Variants in OR9Q1 observed in about 807,000 individuals in gnomAD.
OR9Q1 encodes the protein olfactory receptor family 9 subfamily Q member 1.
For synonymous variants in OR9Q1, 153 were observed against 148.6 expected, an observed-to-expected ratio of 1.03 and a Z score of -0.22; for missense variants, 374 against 378.8, an observed-to-expected ratio of 0.99 and a Z score of 0.11.
At chr11:58,158,620 A>C (rs1378343575) in intron 2 of OR9Q1, among the ~76,000 whole-genome samples, 1 of 152,080 alleles carries the variant, frequency 6.6e-6, no homozygotes, top group Non-Finnish European at 1.5e-5. Context: ...TAGCCAAAGG[A>C]AAGAAATGGG....
At position 58,180,150 on chromosome 11, in the gene OR9Q1, A is replaced by G; in HGVS notation, c.706A>G (p.Thr236Ala). 6.2e-7 allele frequency: 1 copy of G among 1,613,826 alleles called. No individual in the cohort carries two copies. The highest frequency in any genetic ancestry group is 8.5e-7 in the Non-Finnish European group (1 of 1,179,936). Residue 236 changes from threonine (T) to alanine (A), a missense_variant, in exon 3 of 3, where the codon ACC becomes GCC. Coordinates refer to ENST00000335397, the MANE Select transcript of OR9Q1 (RefSeq NM_001005212.4). The stretch of plus-strand genomic sequence containing the variant: ...GATCCCTGCTGGAAGCCAGGCCAAG[A>G]CCTTCTCCACCTGCACCTCCCACCT... ...MGIPAGSQAK[T>A]FSTCTSHLTA...
intron 1 of OR9Q1, chr11:58,031,838 C>T (rs1245577758): frequency 5.0e-6 from 8 of 1,614,130 alleles, no homozygotes; most frequent in Non-Finnish European, 6.8e-6. Context: ...CATCTACAGT[C>T]TTAGGAACAA....
intron 2 of OR9Q1, among the ~76,000 whole-genome samples, chr11:58,091,317 G>C (rs541462749): frequency 6.6e-6 from 1 of 152,168 alleles, no homozygotes; most frequent in Admixed American, 6.5e-5. Context: ...TAATTTGGCT[G>C]TGTTCCAGAG....
chr11:58,149,903 G>A (rs931208437), intron 2 of OR9Q1, among the ~76,000 whole-genome samples: 2 of 152,134 alleles, frequency 1.3e-5, no homozygotes. Context: ...TGGCTATTGT[G>A]AATGCTGTTG....
intron 2 of OR9Q1, among the ~76,000 whole-genome samples, chr11:58,149,657 T>C (rs1854330890): frequency 6.6e-6 from 1 of 152,154 alleles, no homozygotes; most frequent in Admixed American, 6.5e-5. Context: ...CCATTCTAGT[T>C]CTGTTTCTAT....
intron 2 of OR9Q1, among the ~76,000 whole-genome samples, chr11:58,128,254 T>TAAAAAAAA (rs56238213): frequency 7.9e-6 from 1 of 126,240 alleles, no homozygotes. Context: ...CAAGAAAAAC[T>TAAAAAAAA]AAAAAAAAAA....
At chr11:58,036,048 C>T (rs74877201) in intron 1 of OR9Q1, among the ~76,000 whole-genome samples, 17,096 of 151,302 alleles carry the variant, frequency 0.11, 1,506 homozygotes, top group African/African-American at 0.22. Context: ...CTTTGTGTCA[C>T]ATTTTAGTAA....
chr11:58,116,099 G>T (rs1482573138), intron 2 of OR9Q1, among the ~76,000 whole-genome samples: 1 of 152,084 alleles, frequency 6.6e-6, no homozygotes, highest in Non-Finnish European at 1.5e-5. Context: ...GGCAGCCCAG[G>T]GCCCATAGGG....
intron 2 of OR9Q1, chr11:58,108,955 T>C (rs1853869239): frequency 5.1e-6 from 2 of 392,606 alleles, no homozygotes; most frequent in African/African-American, 4.1e-5. Context: ...GGAGAAGGTC[T>C]TGGCTTACCC....
At chr11:58,144,032 TTTA>T (rs1428595100) in intron 2 of OR9Q1, among the ~76,000 whole-genome samples, 7 of 152,022 alleles carry the variant, frequency 4.6e-5, no homozygotes, top group African/African-American at 1.2e-4. Context: ...TTTATTTTAT[TTTA>T]TTATTATTAT....
At chr11:58,131,433 G>C (rs1258201226) in intron 2 of OR9Q1, among the ~76,000 whole-genome samples, 2 of 152,054 alleles carry the variant, frequency 1.3e-5, no homozygotes, top group African/African-American at 4.8e-5. Context: ...TTATTAATAA[G>C]TCTTCTAAAT....
intron 1 of OR9Q1, among the ~76,000 whole-genome samples, chr11:58,037,702 T>TAG (rs1853121018): frequency 2.9e-4 from 3 of 10,440 alleles, no homozygotes; most frequent in African/African-American, 4.2e-4. Context: ...TTTTTTTTTT[T>TAG]TTTTTTTTTT....
intron 1 of OR9Q1, among the ~76,000 whole-genome samples, chr11:58,048,820 C>A (rs991111655): frequency 4.2e-5 from 5 of 119,766 alleles, no homozygotes; most frequent in Middle Eastern, 3.8e-3. Flanking sequence ...ACAAACACCT[C>A]TACGCAAATA....
intron 2 of OR9Q1, among the ~76,000 whole-genome samples, chr11:58,085,301 T>C (rs905795257): frequency 6.6e-6 from 1 of 151,894 alleles, no homozygotes; most frequent in Non-Finnish European, 1.5e-5. Context: ...GTTTGACATA[T>C]ACATACCTGT....
chr11:58,167,398 A>G (rs2119939327), intron 2 of OR9Q1, among the ~76,000 whole-genome samples: 1 of 152,254 alleles, frequency 6.6e-6, no homozygotes, highest in Non-Finnish European at 1.5e-5. Context: ...CTGATAGGGC[A>G]AAATATCTCA....
At chr11:58,118,495 T>G (rs746509451) in intron 2 of OR9Q1, 1 of 1,566,330 alleles carries the variant, frequency 6.4e-7, no homozygotes, top group South Asian at 1.2e-5. Context: ...TCCTCTTACT[T>G]AGATCTACAT....
intron 2 of OR9Q1, among the ~76,000 whole-genome samples, chr11:58,080,787 T>C (rs1323849031): frequency 6.6e-6 from 1 of 152,168 alleles, no homozygotes; most frequent in Non-Finnish European, 1.5e-5. Context: ...CTCGTATGTG[T>C]CCATCTGAGA....
intron 2 of OR9Q1, among the ~76,000 whole-genome samples, chr11:58,114,184 G>A (rs760337299): frequency 3.5e-4 from 54 of 152,124 alleles, no homozygotes; most frequent in Non-Finnish European, 2.6e-4. Context: ...GACCTCATAG[G>A]TCCTCCAGGT....
At chr11:58,139,285 T>G (rs1854219741) in intron 2 of OR9Q1, among the ~76,000 whole-genome samples, 1 of 40,684 alleles carries the variant, frequency 2.5e-5, no homozygotes, top group African/African-American at 6.8e-5. Flanking sequence ...GTGCAGCTGT[T>G]TTTTTTTTTT....
Sources: gnomAD v4.1 joint callset for allele counts (sites outside exome capture counted in the v4.1 genomes callset) on GRCh38, gnomAD v4.1.1 for gene constraint, MANE v1.5 for transcripts, NCBI Gene and HGNC (gene_info 2026-07-23, HGNC 2026-07-21) for gene names.